SGCZ: variants seen among roughly 807,000 people sequenced by gnomAD.
SGCZ encodes zeta-sarcoglycan.
In SGCZ, 40 loss-of-function variants were observed where a neutral mutation model predicts 41.3. The observed-to-expected ratio is 0.97, with a 90% CI of 0.75 to 1.26. The LOEUF is 1.26. SGCZ is among the 50% of genes most tolerant of loss of function. The pLI is 0.00. For synonymous variants in SGCZ, 206 were observed against 137.5 expected, an observed-to-expected ratio of 1.50 and a Z score of -3.49; for missense variants, 552 against 369.8, an observed-to-expected ratio of 1.49 and a Z score of -4.04.
intron 5 of SGCZ, among the ~76,000 whole-genome samples, chr8:14,146,777 C>G (rs2116938763): frequency 6.9e-6 from 1 of 144,320 alleles, no homozygotes; most frequent in African/African-American, 2.6e-5. Flanking sequence ...GAGGCTGAGG[C>G]AGGAGAATGG....
chr8:14,264,003 T>C (rs755732607), intron 3 of SGCZ, among the ~76,000 whole-genome samples: 60 of 152,204 alleles, frequency 3.9e-4, no homozygotes, highest in African/African-American at 1.0e-3. Context: ...CACAGACAGA[T>C]AGAGCCACCT....
rs1281785661 is a variant in SGCZ, at chr8:14,656,551, CTTT to C, written c.40-101628_40-101626del. ...CTTTCTTTTTTCTTTCTTTCCCTTT[CTTT>C]TTCTTTCTTTTCCTTCCCTGCTTCT... is the stretch of plus-strand genomic sequence containing the variant. On this transcript the variant is annotated intron_variant, in intron 1 of 7. Transcript: ENST00000382080. Among the ~76,000 whole-genome samples, 59 of 133,374 alleles carry C rather than the reference CTTT, an allele frequency of 4.4e-4. 1 individual carries two copies. Among genetic ancestry groups the C allele is most frequent in the African/African-American group, 1.4e-3 (56 of 38,642 alleles). 87.5% of individuals were successfully genotyped at this position (133,374 alleles called of 152,430 possible).
intron 1 of SGCZ, among the ~76,000 whole-genome samples, chr8:14,742,305 A>ACG (rs997111262): frequency 2.8e-4 from 42 of 152,140 alleles, no homozygotes; most frequent in East Asian, 1.9e-3. Flanking sequence ...ATGCACGTGC[A>ACG]CGCGCGCTCA....
intron 1 of SGCZ, among the ~76,000 whole-genome samples, chr8:14,995,359 T>C (rs1011921165): frequency 1.2e-4 from 19 of 152,220 alleles, no homozygotes; most frequent in Non-Finnish European, 2.9e-5. Flanking sequence ...AGAGAGAAAG[T>C]AAAACTCCAT....
intron 1 of SGCZ, among the ~76,000 whole-genome samples, chr8:14,831,632 A>ATGTGTG (rs142488527): frequency 1.3e-5 from 2 of 150,726 alleles, no homozygotes; most frequent in African/African-American, 4.9e-5. Flanking sequence ...ATAGACACAT[A>ATGTGTG]TGTGTGTGTG....
intron 1 of SGCZ, among the ~76,000 whole-genome samples, chr8:15,042,442 A>T (rs192748229): frequency 2.7e-4 from 41 of 152,322 alleles, no homozygotes; most frequent in Admixed American, 2.2e-3. Context: ...ACTACAGGGC[A>T]CTAGACCCCA....
intron 2 of SGCZ, among the ~76,000 whole-genome samples, chr8:14,421,010 G>A (rs1799622761): frequency 6.6e-6 from 1 of 152,032 alleles, no homozygotes; most frequent in African/African-American, 2.4e-5. Flanking sequence ...GTACTTTAAG[G>A]ACTTTGAAAT....
At chr8:15,051,891 C>A (rs1804527858) in intron 1 of SGCZ, among the ~76,000 whole-genome samples, 1 of 152,028 alleles carries the variant, frequency 6.6e-6, no homozygotes, top group Non-Finnish European at 1.5e-5. Context: ...GTGTAAGAAA[C>A]TGGAAGGAGA....
chr8:14,321,635 T>C (rs1336172233), intron 3 of SGCZ, among the ~76,000 whole-genome samples: 2 of 152,220 alleles, frequency 1.3e-5, no homozygotes, highest in African/African-American at 4.8e-5. Flanking sequence ...AGGTTAAACA[T>C]ACACAACCAC....
At chr8:14,941,645 C>T (rs964779277) in intron 1 of SGCZ, among the ~76,000 whole-genome samples, 2 of 151,854 alleles carry the variant, frequency 1.3e-5, no homozygotes, top group Admixed American at 1.3e-4. Flanking sequence ...TTTTTATAAA[C>T]TTTGCCTAAT....
In SGCZ at chr8:14,291,440, G is replaced by GA. The variant is rs534398316; in HGVS notation, c.336+32662dup. Among the ~76,000 whole-genome samples, 237 of 151,858 alleles carry GA rather than the reference G, an allele frequency of 1.6e-3. 1 individual carries two copies. The highest frequency in any genetic ancestry group is 2.5e-3 in the Non-Finnish European group (172 of 67,866). ...TGTGTCATTCATAAATTTTTAAAAA[G>GA]AAAAAATCAATTGACCCTAGATTGC... On this transcript the variant is annotated intron_variant, in intron 3 of 7. Coordinates refer to ENST00000382080, the MANE Select transcript of SGCZ (RefSeq NM_139167.4).
intron 1 of SGCZ, among the ~76,000 whole-genome samples, chr8:15,020,958 C>T (rs1803226964): frequency 6.6e-6 from 1 of 152,120 alleles, no homozygotes; most frequent in African/African-American, 2.4e-5. Context: ...TTTTAAAATG[C>T]TTGGTCTCTT....
At chr8:14,374,412 T>C (rs531095754) in intron 2 of SGCZ, among the ~76,000 whole-genome samples, 13 of 152,302 alleles carry the variant, frequency 8.5e-5, no homozygotes, top group African/African-American at 2.9e-4. Context: ...GGAAAACACA[T>C]ATGAAAGTTG....
At chr8:14,994,009 G>A (rs772576082) in intron 1 of SGCZ, among the ~76,000 whole-genome samples, 31 of 152,338 alleles carry the variant, frequency 2.0e-4, no homozygotes, top group Admixed American at 3.3e-4. Context: ...CAATCCAGCT[G>A]AGAATACATT....
intron 5 of SGCZ, among the ~76,000 whole-genome samples, chr8:14,151,313 G>T (rs1221445658): frequency 6.6e-6 from 1 of 151,548 alleles, no homozygotes; most frequent in Non-Finnish European, 1.5e-5. Context: ...ATATGCCAAA[G>T]AAATTAAAAA....
chr8:14,091,503 G>A (rs1216504451), intron 7 of SGCZ, among the ~76,000 whole-genome samples: 1 of 151,890 alleles, frequency 6.6e-6, no homozygotes, highest in Admixed American at 6.6e-5. Context: ...CCTGACTTTT[G>A]AATGACTGCC....
intron 1 of SGCZ, among the ~76,000 whole-genome samples, chr8:15,160,910 A>C (rs752538933): frequency 1.8e-4 from 27 of 151,910 alleles, no homozygotes; most frequent in Non-Finnish European, 3.1e-4. Flanking sequence ...CCTAGAGTAC[A>C]CTGGCGTAAT....
chr8:14,751,064 G>T (rs967033537), intron 1 of SGCZ, among the ~76,000 whole-genome samples: 5 of 152,076 alleles, frequency 3.3e-5, no homozygotes, highest in Admixed American at 1.3e-4. Flanking sequence ...TTTTTAAATT[G>T]GATGTAAAAG....
chr8:15,227,129 A>G (rs889264151), intron 1 of SGCZ, among the ~76,000 whole-genome samples: 1 of 152,188 alleles, frequency 6.6e-6, no homozygotes, highest in Non-Finnish European at 1.5e-5. Flanking sequence ...AGGTGCCCAT[A>G]CATAACCGGG....
Sources: gnomAD v4.1 joint callset for allele counts (sites outside exome capture counted in the v4.1 genomes callset) on GRCh38, gnomAD v4.1.1 for gene constraint, MANE v1.5 for transcripts, NCBI Gene and HGNC (gene_info 2026-07-23, HGNC 2026-07-21) for gene names.